The following PTGES3 variants were observed in gnomAD, a reference collection of about 807,000 sequenced individuals.
PTGES3 encodes Hsp90 co-chaperone.
In PTGES3, 5 loss-of-function variants were observed where a neutral mutation model predicts 29.9. That is an observed-to-expected ratio of 0.17 (90% CI 0.09 to 0.35). The LOEUF (loss-of-function observed/expected upper bound fraction) is 0.35, where lower values mean the gene tolerates loss of function less well. Ranked by LOEUF, PTGES3 falls within the 10% of genes least tolerant of loss-of-function variation. The pLI, the probability that PTGES3 is intolerant of heterozygous loss-of-function variation, is 1.00. For missense variants in PTGES3, 128 were observed against 190.0 expected (o/e 0.67, Z 1.92); for synonymous variants, 49 against 57.8 (o/e 0.85, Z 0.69).
intron 1 of PTGES3, among the ~76,000 whole-genome samples, chr12:56,681,522 A>T (rs1161205843): frequency 9.3e-6 from 1 of 107,120 alleles, no homozygotes; most frequent in East Asian, 3.2e-4. Flanking sequence ...TGGGCAACAG[A>T]GTGAGACTCC....
chr12:56,669,953 T>C (rs1158624061), intron 5 of PTGES3, among the ~76,000 whole-genome samples: 1 of 137,626 alleles, frequency 7.3e-6, no homozygotes, highest in Non-Finnish European at 1.5e-5. Flanking sequence ...CCAAGTCAAC[T>C]ACTGCAATCA....
intron 1 of PTGES3, among the ~76,000 whole-genome samples, chr12:56,679,542 A>G (rs1952430478): frequency 6.6e-6 from 1 of 152,176 alleles, no homozygotes; most frequent in African/African-American, 2.4e-5. Flanking sequence ...TACTATTAAA[A>G]TGAATTAACA....
intron 1 of PTGES3, among the ~76,000 whole-genome samples, chr12:56,682,251 A>G (rs909787733): frequency 2.0e-5 from 3 of 152,174 alleles, no homozygotes; most frequent in South Asian, 2.1e-4. Context: ...ACAAAATGGG[A>G]AAAGAGCATA....
Position 56,688,243 on chromosome 12 carries a change from A to G in PTGES3, c.-244T>C, listed in dbSNP as rs1952983318. 11 of 632,252 alleles carry G rather than the reference A, an allele frequency of 1.7e-5. No homozygotes were observed. In the East Asian group the frequency reaches 3.8e-4, roughly 22 times the overall value. The allele number at this position is 632,252 out of a possible 1,614,324, so 39.2% of individuals were successfully genotyped here. On this transcript the variant is annotated 5_prime_UTR_variant, in exon 1 of 8. Coordinates refer to ENST00000262033, the MANE Select transcript of PTGES3 (RefSeq NM_006601.7). The stretch of plus-strand genomic sequence containing the variant: ...AAAGTGTAGGAAAAGGGGCGCGAGG[A>G]CGGAGAATGAACGTGCGTGCGTGCA...
chr12:56,664,443 T>C lies in PTGES3; in HGVS notation c.*36A>G, dbSNP rs1565856529. On this transcript the variant is annotated 3_prime_UTR_variant, in exon 8 of 8. Transcript: ENST00000262033. ...TTATGAAATCTTGCAGAGAAGTTAT[T>C]TTTCTTTCTCAAAATCCAGGTGATG... 2.5e-6 allele frequency: 4 copies of C among 1,598,638 alleles called. No individual in the cohort carries two copies. Among genetic ancestry groups the C allele is most frequent in the Non-Finnish European group, 3.4e-6 (4 of 1,173,680 alleles).
At position 56,688,049 on chromosome 12, in the gene PTGES3, G is replaced by A. The variant is rs1952970670; in HGVS notation, c.-50C>T. 3 of 1,500,456 alleles carry A rather than the reference G, an allele frequency of 2.0e-6. No individual in the cohort carries two copies. Among genetic ancestry groups the A allele is most frequent in the Non-Finnish European group, 2.7e-6 (3 of 1,124,006 alleles). The allele number at this position is 1,500,456 out of a possible 1,614,324, so 92.9% of individuals were successfully genotyped here. ...GAACTGGTGGGCGGGCCTCTCTGGC[G>A]GCGGCTGCTGCTAGGGAGTCGACTT... On this transcript the variant is annotated 5_prime_UTR_variant, in exon 1 of 8. Transcript: ENST00000262033.
rs1416182294 is a variant in PTGES3 at position 56,687,018 on chromosome 12, A to C, written c.2+980T>G. On this transcript the variant is annotated intron_variant, in intron 1 of 7. Transcript: ENST00000262033. ...ATAACCTCCCGTCAAAAAAAAAAAA[A>C]AAAAAAAAAAAACCCTGTAAAACCG... The C allele has an allele frequency of 3.6e-5, 14 of 389,942 alleles. No homozygotes were observed. The South Asian group carries it at 4.0e-4, about 11-fold the overall frequency. The allele number at this position is 389,942 out of a possible 1,614,324, so 24.2% of individuals were successfully genotyped here.
chr12:56,673,364 T>G (rs574609726), intron 1 of PTGES3, among the ~76,000 whole-genome samples: 16 of 151,774 alleles, frequency 1.1e-4, no homozygotes, highest in Non-Finnish European at 2.2e-4. Flanking sequence ...GTGCAGTGGC[T>G]CACACCTGTA....
chr12:56,683,330 G>A (rs1022040948), intron 1 of PTGES3, among the ~76,000 whole-genome samples: 2 of 151,532 alleles, frequency 1.3e-5, no homozygotes, highest in Non-Finnish European at 2.9e-5. Flanking sequence ...CTAATTAGCC[G>A]GGCATGGTGG....
intron 3 of PTGES3, 103 bp from the exon 4 acceptor site, chr12:56,671,950 T>C: frequency 1.6e-6 from 1 of 616,758 alleles, no homozygotes; most frequent in Non-Finnish European, 2.5e-6. Flanking sequence ...ACCTAAATTT[T>C]CTCTGGACTC....
intron 1 of PTGES3, among the ~76,000 whole-genome samples, chr12:56,676,839 T>C: frequency 7.6e-6 from 1 of 132,406 alleles, no homozygotes; most frequent in East Asian, 2.4e-4. Context: ...ACAAGAATCC[T>C]TGAACCCGGT....
intron 1 of PTGES3, among the ~76,000 whole-genome samples, chr12:56,676,144 G>A (rs1174847760): frequency 6.8e-6 from 1 of 147,242 alleles, no homozygotes; most frequent in Non-Finnish European, 1.5e-5. Context: ...GGAGGGGGAG[G>A]GGGAGGTGGA....
chr12:56,682,773 C>G (rs893689571), intron 1 of PTGES3, among the ~76,000 whole-genome samples: 1 of 146,700 alleles, frequency 6.8e-6, no homozygotes, highest in East Asian at 2.0e-4. Context: ...AATCCTAGCA[C>G]TTTGGAAGGC....
chr12:56,687,052 C>T (rs1270497271), intron 1 of PTGES3: 1 of 417,014 alleles, frequency 2.4e-6, no homozygotes, highest in Non-Finnish European at 4.0e-6. Flanking sequence ...CGGCAGTTCC[C>T]ACTGTACGCG....
Position 56,663,594 on chromosome 12 carries a change from C to T in PTGES3, c.*885G>A, listed in dbSNP as rs1951684396. 6.6e-6 allele frequency: 1 copy of T among 152,492 alleles called. No individual in the cohort carries two copies. The highest frequency in any genetic ancestry group is 6.6e-5 in the Admixed American group (1 of 15,256). 9.4% of individuals were successfully genotyped at this position (152,492 alleles called of 1,614,324 possible). A position where few individuals can be genotyped will look rare whatever the true frequency, so the allele number is the denominator to read the frequency against. On this transcript the variant is annotated 3_prime_UTR_variant, in exon 8 of 8. Coordinates refer to ENST00000262033, the MANE Select transcript of PTGES3 (RefSeq NM_006601.7). ...TAAGCCAGACACTTAAAAGGACAGC[C>T]AAGAAGTCTTCCAACAGTTTATTAG...
chr12:56,665,509 G>T, intron 6 of PTGES3: 2 of 976,062 alleles, frequency 2.0e-6, no homozygotes, highest in East Asian at 1.1e-4. Flanking sequence ...TGGCCAGGCT[G>T]GCCTGAAACT....
intron 1 of PTGES3, among the ~76,000 whole-genome samples, chr12:56,675,447 A>C (rs577067084): frequency 1.3e-5 from 2 of 151,966 alleles, no homozygotes; most frequent in Non-Finnish European, 2.9e-5. Context: ...TATTTTTAAA[A>C]AAACACAGGA....
intron 1 of PTGES3, among the ~76,000 whole-genome samples, chr12:56,679,444 C>T (rs968787176): frequency 6.7e-6 from 1 of 149,772 alleles, no homozygotes; most frequent in Admixed American, 6.7e-5. Flanking sequence ...ATGGAATGTC[C>T]GCCTGTGGGG....
intron 6 of PTGES3, chr12:56,665,073 C>T (rs761877153): frequency 6.1e-6 from 6 of 985,262 alleles, no homozygotes; most frequent in East Asian, 1.1e-4. Context: ...TAACCTATCT[C>T]GGCATTCAAA....
Sources: gnomAD v4.1 joint callset for allele counts (sites outside exome capture counted in the v4.1 genomes callset) on GRCh38, gnomAD v4.1.1 for gene constraint, MANE v1.5 for transcripts, NCBI Gene and HGNC (gene_info 2026-07-23, HGNC 2026-07-21) for gene names.